Variants in PM20D2 observed in about 807,000 individuals in gnomAD.
PM20D2 encodes peptidase M20 domain containing 2.
PM20D2 carries 33 observed loss-of-function variants against 42.9 expected under a neutral mutation model. The observed-to-expected ratio is 0.77, with a 90% confidence interval of 0.58 to 1.03. The LOEUF is 1.03. Ranked by LOEUF, PM20D2 falls within the 50% of genes least tolerant of loss-of-function variation. The probability of loss-of-function intolerance (pLI) is 0.00; values close to 1 mark genes in which losing one functional copy is unlikely to be tolerated. For synonymous variants in PM20D2, 250 were observed against 228.2 expected, an observed-to-expected ratio of 1.10 and a Z score of -0.86; for missense variants, 548 against 557.0, an observed-to-expected ratio of 0.98 and a Z score of 0.16.
chr6:89,102,206 C>G, the PM20D2 span, among the ~76,000 whole-genome samples: 3 of 151,912 alleles, frequency 2.0e-5, no homozygotes, highest in African/African-American at 7.3e-5. Context: ...TGCAGTGGGG[C>G]GAGCTTGGCT....
At chr6:89,109,869 A>G in the PM20D2 span, among the ~76,000 whole-genome samples, 1 of 152,184 alleles carries the variant, frequency 6.6e-6, no homozygotes, top group Non-Finnish European at 1.5e-5. Flanking sequence ...AGGTGGGCGG[A>G]TTACGAGGTC....
At chr6:89,103,337 T>C in the PM20D2 span, among the ~76,000 whole-genome samples, 2 of 151,982 alleles carry the variant, frequency 1.3e-5, no homozygotes, top group Non-Finnish European at 2.9e-5. Flanking sequence ...AATTCTTTTT[T>C]TTTTTTTTTG....
intron 4 of PM20D2, among the ~76,000 whole-genome samples, chr6:89,157,532 A>G (rs1380716008): frequency 1.3e-5 from 2 of 152,348 alleles, no homozygotes; most frequent in East Asian, 1.9e-4. Flanking sequence ...CAAATCTTCT[A>G]CATTTCCCTC....
At chr6:89,151,935 A>G (rs1034764409) in intron 2 of PM20D2, among the ~76,000 whole-genome samples, 1 of 151,990 alleles carries the variant, frequency 6.6e-6, no homozygotes, top group South Asian at 2.1e-4. Context: ...AAAAAAAAAT[A>G]AAAAATTAAC....
the PM20D2 span, among the ~76,000 whole-genome samples, chr6:89,125,155 AG>A: frequency 6.6e-6 from 1 of 152,152 alleles, no homozygotes; most frequent in African/African-American, 2.4e-5. Flanking sequence ...ATCAGTTAAA[AG>A]GGTCTTGTGT....
chr6:89,098,559 G>A, the PM20D2 span: 3 of 1,590,442 alleles, frequency 1.9e-6, no homozygotes, highest in Non-Finnish European at 2.6e-6. Context: ...AGACGGCGTG[G>A]TGCTCTTTCT....
At chr6:89,158,206 T>A (rs1771116051) in intron 4 of PM20D2, 119 bp from the exon 5 acceptor site, 1 of 880,286 alleles carries the variant, frequency 1.1e-6, no homozygotes, top group Non-Finnish European at 1.7e-6. Flanking sequence ...TGTTTATATC[T>A]GGAAGGGAAA....
the PM20D2 span, among the ~76,000 whole-genome samples, chr6:89,118,453 C>T: frequency 1.3e-5 from 2 of 152,190 alleles, no homozygotes; most frequent in Admixed American, 6.5e-5. Context: ...CTTGAGCCTT[C>T]GGCTTTCCAA....
the PM20D2 span, among the ~76,000 whole-genome samples, chr6:89,122,181 C>T: frequency 2.6e-5 from 4 of 152,198 alleles, no homozygotes; most frequent in Non-Finnish European, 5.9e-5. Flanking sequence ...TTAGGACTTT[C>T]CTCTTATCTC....
the PM20D2 span, among the ~76,000 whole-genome samples, chr6:89,128,291 T>A: frequency 2.0e-5 from 3 of 152,196 alleles, no homozygotes; most frequent in African/African-American, 7.2e-5. Flanking sequence ...TGGGAGTCTC[T>A]GTCTTATGCA....
chr6:89,123,049 T>C, the PM20D2 span, among the ~76,000 whole-genome samples: 3 of 152,192 alleles, frequency 2.0e-5, no homozygotes, highest in Admixed American at 6.5e-5. Flanking sequence ...GATAATAATG[T>C]AACTAGGAGG....
the PM20D2 span, among the ~76,000 whole-genome samples, chr6:89,138,963 A>G: frequency 3.7e-4 from 56 of 152,348 alleles, no homozygotes; most frequent in African/African-American, 1.3e-3. Context: ...TATAACAAAG[A>G]AAGGTAGTTT....
At chr6:89,152,376 A>G (rs74427446) in intron 2 of PM20D2, among the ~76,000 whole-genome samples, 5,157 of 152,296 alleles carry the variant, frequency 0.034, 226 homozygotes, top group African/African-American at 0.1. Flanking sequence ...ACAGAGCTTT[A>G]TAAGTAACTA....
the PM20D2 span, among the ~76,000 whole-genome samples, chr6:89,127,589 A>G: frequency 6.6e-6 from 1 of 152,224 alleles, no homozygotes; most frequent in East Asian, 1.9e-4. Flanking sequence ...CAGCCTCCCA[A>G]AGTGCTGGGA....
chr6:89,162,118 A>AAGCTC lies in PM20D2; in HGVS notation c.1169_1173dup (p.Phe392LeufsTer14). ...TTTCTCTACCTTTTAGGGTCACAGG[A>AAGCTC]AGCTCAGTTCTACACTCTGCGGACG... On this transcript the variant is annotated frameshift_variant, in exon 7 of 7. Coordinates refer to ENST00000275072, the MANE Select transcript of PM20D2 (RefSeq NM_001010853.3). LOFTEE classifies it high-confidence loss of function. 13 of 1,604,644 alleles carry AAGCTC rather than the reference A, an allele frequency of 8.1e-6. No individual in the cohort carries two copies. Among genetic ancestry groups the AAGCTC allele is most frequent in the Non-Finnish European group, 1.1e-5 (13 of 1,177,602 alleles).
chr6:89,161,924 C>T (rs759112342), intron 6 of PM20D2, 34 bp downstream of exon 6: 2 of 1,542,520 alleles, frequency 1.3e-6, no homozygotes. Flanking sequence ...TTTTGGCACA[C>T]ACACTCTTCT....
upstream of PM20D2, chr6:89,145,939 G>A (rs935117411): frequency 7.3e-6 from 3 of 412,118 alleles, no homozygotes; most frequent in African/African-American, 6.2e-5. Context: ...GCGGGGCAGA[G>A]CGCCTGGTAG....
chr6:89,133,281 C>G, the PM20D2 span, among the ~76,000 whole-genome samples: 1 of 150,886 alleles, frequency 6.6e-6, no homozygotes, highest in South Asian at 2.1e-4. Flanking sequence ...AAAGAACATA[C>G]TTGTGTTCAA....
the PM20D2 span, among the ~76,000 whole-genome samples, chr6:89,107,586 C>T: frequency 1.3e-5 from 2 of 151,984 alleles, no homozygotes; most frequent in Non-Finnish European, 2.9e-5. Flanking sequence ...CAAAAATCAG[C>T]CAGGTGTGGT....
Sources: allele counts gnomAD v4.1 joint callset (sites outside exome capture counted in the v4.1 genomes callset), GRCh38; gene constraint gnomAD v4.1.1; transcripts MANE v1.5; gene names NCBI Gene and HGNC (gene_info 2026-07-23, HGNC 2026-07-21).